The following PALM variants were observed in gnomAD, a reference collection of about 807,000 sequenced individuals.
The protein encoded by PALM is paralemmin.
In PALM, 18 loss-of-function variants were observed where a neutral mutation model predicts 30.7. That is an observed-to-expected ratio of 0.59 (90% CI 0.41 to 0.87). The LOEUF is 0.87. Ranked by LOEUF, PALM falls within the 40% of genes least tolerant of loss-of-function variation. PALM has a pLI of 0.00. For missense variants in PALM, 529 were observed against 555.4 expected (o/e 0.95, Z 0.48); for synonymous variants, 286 against 242.8 (o/e 1.18, Z -1.66).
chr19:719,256 G>A (rs1325069243), intron 1 of PALM: 4 of 985,332 alleles, frequency 4.1e-6, no homozygotes, highest in Non-Finnish European at 4.8e-6. Flanking sequence ...GACCTTGGCC[G>A]TTGCGTAACC....
At chr19:723,308 C>T (rs1223748517) in intron 1 of PALM, among the ~76,000 whole-genome samples, 4 of 152,072 alleles carry the variant, frequency 2.6e-5, no homozygotes, top group Non-Finnish European at 5.9e-5. Flanking sequence ...TGGCAGCAGA[C>T]ACGAAGGGCA....
intron 4 of PALM, among the ~76,000 whole-genome samples, 172 bp from the exon 5 acceptor site, chr19:730,923 C>A (rs1001455418): frequency 6.6e-6 from 1 of 152,036 alleles, no homozygotes; most frequent in African/African-American, 2.4e-5. Context: ...ATCACTTGAA[C>A]CCGGGAGGTG....
chr19:720,839 C>G (rs2032454331), intron 1 of PALM, among the ~76,000 whole-genome samples: 1 of 152,224 alleles, frequency 6.6e-6, no homozygotes, highest in African/African-American at 2.4e-5. Flanking sequence ...TGAGCGGCCA[C>G]CTGCCTGCCG....
Position 737,176 on chromosome 19 carries a change from G to T in PALM, c.502+1098G>T, listed in dbSNP as rs562661210. ...GTCTCCAGCACGGTCCAGGGTGGGGGTTGCCCCAGGATGCAGCAGACAGAG... is the reference window on the plus strand; with the variant it reads ...GTCTCCAGCACGGTCCAGGGTGGGGTTTGCCCCAGGATGCAGCAGACAGAG... On this transcript the variant is annotated intron_variant, in intron 7 of 8. Coordinates refer to ENST00000338448, the MANE Select transcript of PALM (RefSeq NM_002579.3). 7.9e-5 allele frequency among the ~76,000 whole-genome samples: 12 copies of T among 152,302 alleles called. No individual in the cohort carries two copies. In the South Asian group the frequency reaches 2.5e-3, roughly 32 times the overall value.
chr19:726,950 T>TGGGGGTTGGGGGGGGGG, intron 2 of PALM, 58 bp from the exon 3 acceptor site: 2 of 864,348 alleles, frequency 2.3e-6, no homozygotes, highest in Non-Finnish European at 3.4e-6. Flanking sequence ...TGTGTGGGGG[T>TGGGGGTTGGGGGGGGGG]GGGGGGGTCT....
At chr19:743,821 C>T (rs988321615) in intron 8 of PALM, among the ~76,000 whole-genome samples, 1 of 152,170 alleles carries the variant, frequency 6.6e-6, no homozygotes, top group Admixed American at 6.5e-5. Context: ...CAGAGACACA[C>T]AGATAAGGAA....
At position 709,094 on chromosome 19, in the gene PALM, C is replaced by T; in HGVS notation, c.-53C>T. 3.6e-6 allele frequency: 1 copy of T among 279,308 alleles called. No individual in the cohort carries two copies. Among genetic ancestry groups the T allele is most frequent in the East Asian group, 5.9e-5 (1 of 17,062 alleles). The allele number at this position is 279,308 out of a possible 1,614,324, so 17.3% of individuals were successfully genotyped here. On this transcript the variant is annotated 5_prime_UTR_variant, in exon 1 of 9. Transcript: ENST00000338448. The surrounding 1 kb of genome is among the most constrained non-coding windows in gnomAD (Gnocchi z 4.3). ...CTCCCCTCCCCTCCCCCGCGCGCCA[C>T]CCGCGCCCGCCCCCGCCCGGCACCG...
intron 1 of PALM, among the ~76,000 whole-genome samples, chr19:710,516 G>T (rs973818449): frequency 6.6e-6 from 1 of 152,188 alleles, no homozygotes; most frequent in Non-Finnish European, 1.5e-5. Flanking sequence ...TGGGGAGGGG[G>T]CTGCCTAGGA....
rs1406223734 is a variant in PALM at position 744,446 on chromosome 19, G to T, written c.635-1839G>T. Among the ~76,000 whole-genome samples the T allele has an allele frequency of 2.6e-5, 4 of 151,538 alleles. No individual in the cohort carries two copies. In the East Asian group the frequency reaches 7.7e-4, roughly 29 times the overall value. On this transcript the variant is annotated intron_variant, in intron 8 of 8. Transcript: ENST00000338448. ...GTGAATAACATCATCTAACTCGTAG[G>T]ACACAGCCAAAGCAGACCTCAGAGG...
chr19:737,450 G>A (rs2033055911), intron 7 of PALM, among the ~76,000 whole-genome samples: 1 of 152,250 alleles, frequency 6.6e-6, no homozygotes, highest in East Asian at 1.9e-4. Flanking sequence ...CTGCATGCCA[G>A]GCATTGGGGG....
Position 746,377 on chromosome 19 carries a change from A to G in PALM, c.727A>G (p.Thr243Ala). The change falls in exon 9 of 9, where the codon ACG (threonine) becomes GCG (alanine). Residue 243 changes from threonine (T) to alanine (A), a missense_variant. Physicochemically the swap from Thr to Ala is moderately conservative, Grantham distance 58. Transcript: ENST00000338448. This position sits in a 1 kb window ranked among gnomAD's most constrained non-coding sequence, Gnocchi z 7.1. ...DELIHKADEV[T>A]LSEAGSTAGA... ...ACTCATCCACAAAGCGGACGAGGTC[A>G]CGCTGAGCGAGGCAGGGTCCACGGC... 3 of 1,613,294 alleles carry G rather than the reference A, an allele frequency of 1.9e-6. No homozygotes were observed. The highest frequency in any genetic ancestry group is 2.5e-6 in the Non-Finnish European group (3 of 1,179,800).
chr19:725,522 C>T (rs1319183293), intron 1 of PALM, among the ~76,000 whole-genome samples: 1 of 152,164 alleles, frequency 6.6e-6, no homozygotes, highest in Non-Finnish European at 1.5e-5. Context: ...GATCCTGCCA[C>T]TGCACTCCAG....
intron 1 of PALM, among the ~76,000 whole-genome samples, chr19:723,682 C>T (rs1403311622): frequency 1.3e-5 from 2 of 152,198 alleles, no homozygotes; most frequent in East Asian, 1.9e-4. Flanking sequence ...CCTCCGCCTC[C>T]TGGGTTCAAT....
At chr19:741,221 TCA>T (rs1015712943) in intron 8 of PALM, among the ~76,000 whole-genome samples, 1 of 151,982 alleles carries the variant, frequency 6.6e-6, no homozygotes, top group African/African-American at 2.4e-5. Flanking sequence ...GTGAGAAGTC[TCA>T]CAGGGTGAGG....
intron 1 of PALM, among the ~76,000 whole-genome samples, chr19:721,459 T>C (rs1223880642): frequency 1.3e-5 from 2 of 151,542 alleles, no homozygotes; most frequent in Non-Finnish European, 2.9e-5. Context: ...AGAGACTGGG[T>C]TTTGCCTTGT....
intron 1 of PALM, among the ~76,000 whole-genome samples, chr19:717,145 G>A (rs1259659574): frequency 6.6e-6 from 1 of 152,134 alleles, no homozygotes; most frequent in Non-Finnish European, 1.5e-5. Flanking sequence ...GACCAGGATG[G>A]TCTCAATCTC....
chr19:710,227 G>A (rs1018807011), intron 1 of PALM, among the ~76,000 whole-genome samples: 4 of 152,152 alleles, frequency 2.6e-5, no homozygotes, highest in Non-Finnish European at 5.9e-5. Context: ...GGATTCACCC[G>A]TGACCCGCCA....
chr19:720,870 G>C (rs2032455533), intron 1 of PALM, among the ~76,000 whole-genome samples: 1 of 152,224 alleles, frequency 6.6e-6, no homozygotes, highest in South Asian at 2.1e-4. Flanking sequence ...TGGGCAGTCG[G>C]CGACCAGCCT....
At chr19:727,220 G>GACCCCA (rs1568225326) in intron 3 of PALM, 132 bp downstream of exon 3, 2 of 583,184 alleles carry the variant, frequency 3.4e-6, no homozygotes, top group South Asian at 2.0e-5. Context: ...CCCTGACCCT[G>GACCCCA]ACCCCGACCC....
Sources: allele counts gnomAD v4.1 joint callset (sites outside exome capture counted in the v4.1 genomes callset), GRCh38; gene constraint gnomAD v4.1.1; non-coding constraint Gnocchi (gnomAD v3.1); transcripts MANE v1.5; gene names NCBI Gene and HGNC (gene_info 2026-07-23, HGNC 2026-07-21).